Variants in CHST8 observed in about 807,000 individuals in gnomAD.
CHST8 encodes carbohydrate sulfotransferase 8.
In CHST8, 10 loss-of-function variants were observed where a neutral mutation model predicts 15.0. That is an observed-to-expected ratio of 0.67 (90% CI 0.41 to 1.13). The LOEUF (loss-of-function observed/expected upper bound fraction) is 1.13. CHST8 is among the 50% of genes most tolerant of loss of function. The pLI, the probability that CHST8 is intolerant of heterozygous loss-of-function variation, is 0.00. For missense variants in CHST8, 634 were observed against 608.2 expected, an observed-to-expected ratio of 1.04 and a Z score of -0.45; for synonymous variants, 259 against 256.6, an observed-to-expected ratio of 1.01 and a Z score of -0.09.
At chr19:33,625,867 AT>A (rs201761676) in intron 1 of CHST8, among the ~76,000 whole-genome samples, 9 of 150,394 alleles carry the variant, frequency 6.0e-5, no homozygotes, top group African/African-American at 1.2e-4. Context: ...CTCAAAATAA[AT>A]TTTTTTTTTT....
intron 2 of CHST8, among the ~76,000 whole-genome samples, chr19:33,672,740 T>C (rs1972757465): frequency 6.6e-6 from 1 of 152,130 alleles, no homozygotes; most frequent in African/African-American, 2.4e-5. Flanking sequence ...GAGACGGCCC[T>C]GGGCCAGCTT....
intron 3 of CHST8, among the ~76,000 whole-genome samples, chr19:33,722,192 G>A (rs1036325060): frequency 7.0e-6 from 1 of 143,508 alleles, no homozygotes; most frequent in African/African-American, 2.6e-5. Flanking sequence ...TGGGCAGATG[G>A]ATGGATGGGT....
At chr19:33,716,615 G>A (rs116476277) in intron 3 of CHST8, among the ~76,000 whole-genome samples, 3,172 of 152,168 alleles carry the variant, frequency 0.021, 104 homozygotes, top group African/African-American at 0.072. Flanking sequence ...CGATCCTCCC[G>A]CACTGGCCTC....
intron 1 of CHST8, among the ~76,000 whole-genome samples, chr19:33,661,617 C>T (rs981269794): frequency 2.0e-5 from 3 of 152,240 alleles, no homozygotes; most frequent in Non-Finnish European, 4.4e-5. Flanking sequence ...TTCTGCCCTG[C>T]AGGCTGCTCA....
chr19:33,639,359 C>G (rs1261560835), intron 1 of CHST8, among the ~76,000 whole-genome samples: 1 of 152,108 alleles, frequency 6.6e-6, no homozygotes, highest in African/African-American at 2.4e-5. Context: ...AGGGTGCTGT[C>G]TGGAGCCCAG....
chr19:33,634,056 G>A (rs887171773), intron 1 of CHST8, among the ~76,000 whole-genome samples: 1 of 152,084 alleles, frequency 6.6e-6, no homozygotes, highest in Non-Finnish European at 1.5e-5. Context: ...CTGGGCTTAA[G>A]CGATCCTCCC....
chr19:33,718,494 C>T (rs747341453), intron 3 of CHST8, among the ~76,000 whole-genome samples: 2 of 152,216 alleles, frequency 1.3e-5, no homozygotes, highest in Non-Finnish European at 2.9e-5. Flanking sequence ...CCCCGCACTC[C>T]TCTGCAGGCT....
intron 1 of CHST8, among the ~76,000 whole-genome samples, chr19:33,632,148 T>TGG (rs1972130746): frequency 6.6e-6 from 1 of 150,940 alleles, no homozygotes; most frequent in Non-Finnish European, 1.5e-5. Flanking sequence ...TCTTTTTTTT[T>TGG]TTTTTTTTCC....
chr19:33,744,340 C>T (rs1440111233), intron 3 of CHST8: 1 of 152,176 alleles, frequency 6.6e-6, no homozygotes, highest in African/African-American at 2.4e-5. Context: ...GGACAGAGAC[C>T]TCTGCGGTGT....
chr19:33,762,094 C>A (rs1032094619), intron 3 of CHST8, among the ~76,000 whole-genome samples: 1 of 152,214 alleles, frequency 6.6e-6, no homozygotes, highest in Non-Finnish European at 1.5e-5. Context: ...CACACCTGAT[C>A]CCATGCGACA....
chr19:33,749,223 C>T (rs1427028319), intron 3 of CHST8, among the ~76,000 whole-genome samples: 1 of 152,128 alleles, frequency 6.6e-6, no homozygotes, highest in African/African-American at 2.4e-5. Context: ...AGAGCACACC[C>T]GGAGCCAGGG....
intron 3 of CHST8, among the ~76,000 whole-genome samples, chr19:33,741,266 C>T (rs76354681): frequency 0.021 from 3,271 of 152,254 alleles, 54 homozygotes; most frequent in Non-Finnish European, 0.027. Context: ...TGCAAGGCTG[C>T]GTTTTATTCC....
At chr19:33,656,500 C>T (rs1219112662) in intron 1 of CHST8, among the ~76,000 whole-genome samples, 1 of 152,046 alleles carries the variant, frequency 6.6e-6, no homozygotes, top group Non-Finnish European at 1.5e-5. Context: ...TACATTGTAA[C>T]CTGGTATTTG....
chr19:33,642,622 C>T (rs1356501693), intron 1 of CHST8, among the ~76,000 whole-genome samples: 1 of 152,202 alleles, frequency 6.6e-6, no homozygotes, highest in Non-Finnish European at 1.5e-5. Context: ...CTCAGCCTCC[C>T]AAAGTGCTGG....
intron 3 of CHST8, among the ~76,000 whole-genome samples, chr19:33,711,741 C>T (rs747206383): frequency 2.6e-5 from 4 of 152,150 alleles, no homozygotes; most frequent in Admixed American, 1.3e-4. Context: ...AAGCAATTAT[C>T]GTGCCTCAGC....
At chr19:33,689,766 C>T (rs1223026576) in intron 3 of CHST8, among the ~76,000 whole-genome samples, 3 of 152,214 alleles carry the variant, frequency 2.0e-5, no homozygotes, top group African/African-American at 7.2e-5. Flanking sequence ...GAGCCCATGC[C>T]CCACAAGCAA....
At chr19:33,674,761 G>C (rs10416348) in intron 2 of CHST8, among the ~76,000 whole-genome samples, 36,153 of 152,144 alleles carry the variant, frequency 0.24, 4,727 homozygotes, top group African/African-American at 0.33. Flanking sequence ...GCTGCGTAGA[G>C]AAGGGAGCCT....
At chr19:33,750,606 G>C (rs970258592) in intron 3 of CHST8, among the ~76,000 whole-genome samples, 1 of 152,166 alleles carries the variant, frequency 6.6e-6, no homozygotes, top group Non-Finnish European at 1.5e-5. Context: ...TTCCCATCAG[G>C]GTCCAGAAGT....
chr19:33,689,070 G>A, intron 2 of CHST8, 106 bp from the exon 3 acceptor site: 2 of 535,628 alleles, frequency 3.7e-6, no homozygotes, highest in South Asian at 8.4e-5. Context: ...ACTTGTAGAG[G>A]GCAGAGTCAT....
Sources: allele counts gnomAD v4.1 joint callset (sites outside exome capture counted in the v4.1 genomes callset), GRCh38; gene constraint gnomAD v4.1.1; transcripts MANE v1.5; gene names NCBI Gene and HGNC (gene_info 2026-07-23, HGNC 2026-07-21).